The following PDE10A variants were observed in gnomAD, a reference collection of about 807,000 sequenced individuals.
The protein encoded by PDE10A is phosphodiesterase 10A.
PDE10A carries 39 observed loss-of-function variants against 97.7 expected under a neutral mutation model. The ratio of observed to expected loss-of-function variants is 0.40; its 90% CI spans 0.31 to 0.52. The LOEUF (loss-of-function observed/expected upper bound fraction) is 0.52. Among genes scored for constraint, PDE10A ranks in the 20% least tolerant of loss-of-function variants. The pLI is 0.56. For missense variants in PDE10A, 731 were observed against 1,047.8 expected (o/e 0.70, Z 4.17); for synonymous variants, 371 against 376.8 (o/e 0.98, Z 0.18).
rs564515155 is a variant in PDE10A, at chr6:165,412,645, C to G, written c.2076+856G>C. Among the ~76,000 whole-genome samples the G allele has an allele frequency of 5.3e-5, 8 of 152,118 alleles. No homozygotes were observed. The South Asian group carries it at 1.7e-3, about 32-fold the overall frequency. ...AAACTGAATTAAAAACGGTTACCCT[C>G]GGTCACCAGAAGTTAAGTTTTACCA... On this transcript the variant is annotated intron_variant, in intron 13 of 21. Transcript: ENST00000539869.
At chr6:165,686,742 G>C (rs977005691) in intron 1 of PDE10A, among the ~76,000 whole-genome samples, 2 of 152,184 alleles carry the variant, frequency 1.3e-5, no homozygotes, top group Admixed American at 6.5e-5. Flanking sequence ...ATTTGGTTGA[G>C]AGCAGAAACA....
At chr6:165,422,682 A>G (rs1160010046) in intron 10 of PDE10A, among the ~76,000 whole-genome samples, 3 of 152,196 alleles carry the variant, frequency 2.0e-5, no homozygotes, top group African/African-American at 7.2e-5. Context: ...CTATCTTTGA[A>G]CTATTTTAGA....
chr6:165,984,365 C>T (rs1015295888), intron 1 of PDE10A, among the ~76,000 whole-genome samples: 14 of 152,064 alleles, frequency 9.2e-5, no homozygotes, highest in African/African-American at 3.1e-4. Context: ...CAAATATTTC[C>T]ACCAAAGAGA....
intron 1 of PDE10A, among the ~76,000 whole-genome samples, chr6:165,761,449 G>A (rs534783811): frequency 0.02 from 2,396 of 118,734 alleles, 55 homozygotes; most frequent in African/African-American, 0.089. Context: ...CCTCCATGCG[G>A]GTCACCCACA....
chr6:165,693,594 C>T (rs1791366276), intron 1 of PDE10A, among the ~76,000 whole-genome samples: 3 of 144,312 alleles, frequency 2.1e-5, no homozygotes, highest in Admixed American at 1.4e-4. Context: ...AGCAGACAAG[C>T]ATAATTCTCC....
intron 1 of PDE10A, among the ~76,000 whole-genome samples, chr6:165,581,601 T>C (rs897004463): frequency 3.3e-5 from 5 of 152,256 alleles, no homozygotes; most frequent in Admixed American, 6.5e-5. Context: ...GTGGTACTTG[T>C]TGGAGCAGCC....
At chr6:165,715,669 G>T (rs1460716943) in intron 1 of PDE10A, among the ~76,000 whole-genome samples, 1 of 152,170 alleles carries the variant, frequency 6.6e-6, no homozygotes, top group South Asian at 2.1e-4. Flanking sequence ...GTGTGTGAGG[G>T]GCTAGTGCAT....
chr6:165,745,571 C>T (rs1249584001), intron 1 of PDE10A, among the ~76,000 whole-genome samples: 1 of 152,104 alleles, frequency 6.6e-6, no homozygotes, highest in African/African-American at 2.4e-5. Flanking sequence ...TTTCAGTAAA[C>T]CACTGGTTTA....
intron 1 of PDE10A, among the ~76,000 whole-genome samples, chr6:165,625,277 G>A (rs1459462077): frequency 1.3e-5 from 2 of 152,226 alleles, no homozygotes; most frequent in Admixed American, 1.3e-4. Flanking sequence ...AAGGCCGGGA[G>A]GCTAAGGAGA....
chr6:165,971,113 A>C (rs1562334973), intron 1 of PDE10A, among the ~76,000 whole-genome samples: 1 of 151,624 alleles, frequency 6.6e-6, no homozygotes. Flanking sequence ...GCACCATTGC[A>C]CTCCAGCCTA....
In PDE10A at chr6:165,601,206, T is replaced by C. The variant is rs538311282; in HGVS notation, c.866-57638A>G. On this transcript the variant is annotated intron_variant, in intron 1 of 21. Transcript: ENST00000539869. ...TTTTGCTGCCACCATGTAAGAAGTGTCTTTCACCTCCTGCCATGATTCTGA... is the reference window on the plus strand; with the variant it reads ...TTTTGCTGCCACCATGTAAGAAGTGCCTTTCACCTCCTGCCATGATTCTGA... Among the ~76,000 whole-genome samples the C allele has an allele frequency of 1.3e-4, 20 of 152,318 alleles. No homozygotes were observed. In the South Asian group the frequency reaches 2.5e-3, roughly 19 times the overall value.
chr6:165,649,714 C>A (rs1322899138), intron 1 of PDE10A, among the ~76,000 whole-genome samples: 3 of 152,136 alleles, frequency 2.0e-5, no homozygotes, highest in African/African-American at 7.2e-5. Flanking sequence ...TGCTGGGGCC[C>A]CCTTTAGTGG....
intron 1 of PDE10A, among the ~76,000 whole-genome samples, chr6:165,757,053 C>T (rs372268733): frequency 1.2e-4 from 18 of 151,908 alleles, no homozygotes; most frequent in East Asian, 1.2e-3. Context: ...CTGCAACATC[C>T]ACCTCCTGGG....
chr6:165,469,577 T>C (rs946915612), intron 3 of PDE10A, among the ~76,000 whole-genome samples: 3 of 152,232 alleles, frequency 2.0e-5, no homozygotes, highest in Non-Finnish European at 2.9e-5. Context: ...ATAAGATGAA[T>C]ACGGACTTTT....
chr6:165,619,641 AGTATAGTCTAGTG>A (rs1788015974), intron 1 of PDE10A, among the ~76,000 whole-genome samples: 2 of 125,928 alleles, frequency 1.6e-5, no homozygotes, highest in African/African-American at 2.8e-5. Context: ...AGTGTAGTGT[AGTATAGTCTAGTG>A]TAGTATAGTC....
At chr6:165,810,858 A>G (rs1779263331) in intron 1 of PDE10A, among the ~76,000 whole-genome samples, 1 of 151,938 alleles carries the variant, frequency 6.6e-6, no homozygotes, top group East Asian at 1.9e-4. Flanking sequence ...TCCTAACACC[A>G]CTTTGGGAAC....
At chr6:165,564,265 G>A (rs1022051783) in intron 1 of PDE10A, among the ~76,000 whole-genome samples, 53 of 152,290 alleles carry the variant, frequency 3.5e-4, no homozygotes, top group African/African-American at 1.3e-3. Context: ...GAGAGCTGGT[G>A]CTTGCTCCTT....
chr6:165,771,854 G>C (rs1173675825), intron 1 of PDE10A, among the ~76,000 whole-genome samples: 15 of 152,190 alleles, frequency 9.9e-5, no homozygotes, highest in Non-Finnish European at 2.9e-5. Context: ...GGGCGGATGA[G>C]CCACCCTGGC....
intron 2 of PDE10A, among the ~76,000 whole-genome samples, chr6:165,491,129 T>C (rs1562516706): frequency 6.6e-6 from 1 of 152,044 alleles, no homozygotes. Context: ...CAGGACAAAC[T>C]TTAAAGCAAC....
Sources: allele counts gnomAD v4.1 joint callset (sites outside exome capture counted in the v4.1 genomes callset), GRCh38; gene constraint gnomAD v4.1.1; transcripts MANE v1.5; gene names NCBI Gene and HGNC (gene_info 2026-07-23, HGNC 2026-07-21).